Variants in FGFRL1 observed in about 807,000 individuals in gnomAD.
FGFRL1 encodes the protein fibroblast growth factor receptor like 1.
FGFRL1 carries 24 observed loss-of-function variants against 36.8 expected under a neutral mutation model. That is an observed-to-expected ratio of 0.65 (90% CI 0.47 to 0.92). The LOEUF is 0.92. FGFRL1 is among the 40% of genes least tolerant of loss of function. FGFRL1 has a pLI of 0.00. For missense variants in FGFRL1, 785 were observed against 753.4 expected (o/e 1.04, Z -0.49); for synonymous variants, 422 against 344.1 (o/e 1.23, Z -2.50).
intron 2 of FGFRL1, among the ~76,000 whole-genome samples, chr4:1,017,696 A>G (rs1423819061): frequency 6.6e-6 from 1 of 152,056 alleles, no homozygotes; most frequent in Non-Finnish European, 1.5e-5. Flanking sequence ...CTCCCAACAG[A>G]GGGGTCATGA....
chr4:1,016,603 A>G (rs537465549), intron 2 of FGFRL1, among the ~76,000 whole-genome samples: 20 of 152,058 alleles, frequency 1.3e-4, no homozygotes, highest in African/African-American at 3.4e-4. Context: ...TGCTGCATGC[A>G]GCTTGCTGGG....
At chr4:1,016,836 C>T (rs755230184) in intron 2 of FGFRL1, among the ~76,000 whole-genome samples, 42 of 152,286 alleles carry the variant, frequency 2.8e-4, no homozygotes, top group Non-Finnish European at 4.6e-4. Flanking sequence ...TGTTCTCTGG[C>T]TCCTGGGGGC....
At chr4:1,014,504 C>A (rs973994989) in intron 2 of FGFRL1, among the ~76,000 whole-genome samples, 2 of 152,240 alleles carry the variant, frequency 1.3e-5, no homozygotes, top group Admixed American at 1.3e-4. Context: ...CCTCTGCACC[C>A]GGCCAGCTGC....
Position 1,023,611 on chromosome 4 carries a change from C to T in FGFRL1, c.353-30C>T, listed in dbSNP as rs1031527260. ...AGCTCCTCAGGGCCCCCCTCACCTGCCCTCCCTGTGCACCTCCGTCTCTCT... is the reference window on the plus strand; with the variant it reads ...AGCTCCTCAGGGCCCCCCTCACCTGTCCTCCCTGTGCACCTCCGTCTCTCT... On this transcript the variant is annotated intron_variant, in intron 3 of 6. Transcript: ENST00000510644. The surrounding 1 kb of genome is among the most constrained non-coding windows in gnomAD (Gnocchi z 6.0). 2.5e-6 allele frequency: 4 copies of T among 1,569,160 alleles called. No individual in the cohort carries two copies. The African/African-American group carries it at 5.4e-5, about 21-fold the overall frequency.
In FGFRL1 at chr4:1,025,915, C is replaced by T. The variant is rs529919727; in HGVS notation, c.*568C>T. ...CAGATATGCTGTCTGGACACGCACA[C>T]ACATGCAGATATGCTGCCTGGACAC... On this transcript the variant is annotated 3_prime_UTR_variant, in exon 7 of 7. Coordinates refer to ENST00000510644, the MANE Select transcript of FGFRL1 (RefSeq NM_001004356.3). 9.0e-5 allele frequency: 15 copies of T among 166,286 alleles called. No homozygotes were observed. In the East Asian group the frequency reaches 1.7e-3, roughly 18 times the overall value. The allele number at this position is 166,286 out of a possible 1,614,324, so 10.3% of individuals were successfully genotyped here.
Position 1,018,633 on chromosome 4 carries a change from C to T in FGFRL1, c.80-3570C>T, listed in dbSNP as rs908596353. On this transcript the variant is annotated intron_variant, in intron 2 of 6. Transcript: ENST00000510644. ...AGGTGGCACAGTGCTGCTGTCATGC[C>T]CCGGCGGGGGTTCCCTGTGTTTCTT... Among the ~76,000 whole-genome samples, 15 of 152,248 alleles carry T rather than the reference C, an allele frequency of 9.9e-5. No individual in the cohort carries two copies. The East Asian group carries it at 2.9e-3, about 29-fold the overall frequency.
At position 1,023,122 on chromosome 4, in the gene FGFRL1, A is replaced by T. The variant is rs1716287740; in HGVS notation, c.353-519A>T. 6.6e-6 allele frequency among the ~76,000 whole-genome samples: 1 copy of T among 151,988 alleles called. No individual in the cohort carries two copies. The highest frequency in any genetic ancestry group is 2.1e-4 in the South Asian group (1 of 4,834). Reference sequence around the variant, plus strand: ...AGGGTCTGGGGGTGCGGCCTGAGACAGCCTGGTCCTGGGCTCAGTGAAGGA... The same window carrying T: ...AGGGTCTGGGGGTGCGGCCTGAGACTGCCTGGTCCTGGGCTCAGTGAAGGA... On this transcript the variant is annotated intron_variant, in intron 3 of 6. Transcript: ENST00000510644. This position sits in a 1 kb window ranked among gnomAD's most constrained non-coding sequence, Gnocchi z 6.0.
intron 2 of FGFRL1, 48 bp downstream of exon 2, chr4:1,012,612 C>T (rs1316326084): frequency 9.0e-6 from 8 of 890,840 alleles, no homozygotes; most frequent in East Asian, 3.3e-5. Context: ...GCCAGCGCCG[C>T]CCCCTTCCCG....
Position 1,023,801 on chromosome 4 carries a change from C to T in FGFRL1, c.434-16C>T. 1 of 1,569,952 alleles carries T rather than the reference C, an allele frequency of 6.4e-7. No homozygotes were observed. The highest frequency in any genetic ancestry group is 8.6e-7 in the Non-Finnish European group (1 of 1,157,360). On this transcript the variant is annotated splice_polypyrimidine_tract_variant and intron_variant, in intron 4 of 6. Transcript: ENST00000510644. This position sits in a 1 kb window ranked among gnomAD's most constrained non-coding sequence, Gnocchi z 6.0. ...GCATCCCCGTCCTCTGACCTCCACG[C>T]CACCCCACCCCGCAGCACGACCGCG... is the stretch of plus-strand genomic sequence containing the variant.
intron 2 of FGFRL1, among the ~76,000 whole-genome samples, chr4:1,014,463 G>A (rs1715778459): frequency 6.6e-6 from 1 of 152,220 alleles, no homozygotes; most frequent in African/African-American, 2.4e-5. Context: ...GGCCAGCTCT[G>A]AGTGGCCTGC....
chr4:1,011,863 G>A lies in FGFRL1; in HGVS notation c.-108G>A, dbSNP rs1464451114. 1 of 145,034 alleles carries A rather than the reference G, an allele frequency of 6.9e-6. No homozygotes were observed. Among genetic ancestry groups the A allele is most frequent in the African/African-American group, 2.5e-5 (1 of 40,444 alleles). 9.0% of individuals were successfully genotyped at this position (145,034 alleles called of 1,614,324 possible). A position where few individuals can be genotyped will look rare whatever the true frequency, so the allele number is the denominator to read the frequency against. On this transcript the variant is annotated 5_prime_UTR_variant, in exon 1 of 7. Transcript: ENST00000510644. ...ACCGGGCCCGGGGGCGCGGGGCGGC[G>A]GGATGCGGCGCCCGGGGCGGCGATG...
chr4:1,011,514 T>G (rs1376930661), upstream of FGFRL1, among the ~76,000 whole-genome samples: 1 of 79,554 alleles, frequency 1.3e-5, no homozygotes. Flanking sequence ...GCGCGCGGAT[T>G]GGGGAAAAGT....
In FGFRL1 at chr4:1,024,886, T is replaced by C; in HGVS notation, c.1073-19T>C. 6.4e-7 allele frequency: 1 copy of C among 1,570,940 alleles called. No homozygotes were observed. Among genetic ancestry groups the C allele is most frequent in the Non-Finnish European group, 8.6e-7 (1 of 1,162,988 alleles). On this transcript the variant is annotated intron_variant, in intron 6 of 6. Transcript: ENST00000510644. ...TGTCGGCGTTCCCCTCCCTACCTCC[T>C]TTCCTCTCGCTCTTGCAGACCCAAA...
At chr4:1,011,565 G>A (rs1458720673), upstream of FGFRL1, among the ~76,000 whole-genome samples, 1 of 133,600 alleles carries the variant, frequency 7.5e-6, no homozygotes, top group African/African-American at 2.8e-5. Context: ...TGACGCGCGC[G>A]GATTGGCCGG....
intron 1 of FGFRL1, 93 bp from the exon 2 acceptor site, chr4:1,012,377 G>A (rs896969227): frequency 1.4e-6 from 2 of 1,455,092 alleles, no homozygotes; most frequent in South Asian, 2.5e-5. Flanking sequence ...CTGTGGGGAG[G>A]GCGGCCAGAC....
At chr4:1,014,508 C>T (rs1715781189) in intron 2 of FGFRL1, among the ~76,000 whole-genome samples, 1 of 152,242 alleles carries the variant, frequency 6.6e-6, no homozygotes, top group African/African-American at 2.4e-5. Flanking sequence ...TGCACCCGGC[C>T]AGCTGCGGTG....
chr4:1,023,766 C>A lies in FGFRL1; in HGVS notation c.433+45C>A, dbSNP rs760647911. 1.9e-6 allele frequency: 3 copies of A among 1,552,240 alleles called. No individual in the cohort carries two copies. The highest frequency in any genetic ancestry group is 2.6e-6 in the Non-Finnish European group (3 of 1,148,646). The stretch of plus-strand genomic sequence containing the variant: ...GGTGGGGGGCGTCCGTCTGTCCCGG[C>A]CCCTTGGCTGCATCCCCGTCCTCTG... On this transcript the variant is annotated intron_variant, in intron 4 of 6. Coordinates refer to ENST00000510644, the MANE Select transcript of FGFRL1 (RefSeq NM_001004356.3). The surrounding 1 kb of genome is among the most constrained non-coding windows in gnomAD (Gnocchi z 6.0).
At chr4:1,020,359 G>A (rs892242592) in intron 2 of FGFRL1, among the ~76,000 whole-genome samples, 20 of 152,088 alleles carry the variant, frequency 1.3e-4, no homozygotes, top group African/African-American at 4.3e-4. Flanking sequence ...CCGACATGGA[G>A]AGCAGTGAGT....
intron 2 of FGFRL1, among the ~76,000 whole-genome samples, chr4:1,016,290 C>T (rs545306291): frequency 6.8e-6 from 1 of 147,580 alleles, no homozygotes; most frequent in Non-Finnish European, 1.5e-5. Context: ...CAGAGCCCCT[C>T]TGGGGAGTTC....
Sources: allele counts gnomAD v4.1 joint callset (sites outside exome capture counted in the v4.1 genomes callset), GRCh38; gene constraint gnomAD v4.1.1; non-coding constraint Gnocchi (gnomAD v3.1); transcripts MANE v1.5; gene names NCBI Gene and HGNC (gene_info 2026-07-23, HGNC 2026-07-21).